TEX9: variants seen among roughly 807,000 people sequenced by gnomAD.
TEX9 encodes the protein testis-expressed protein 9.
TEX9 carries 74 observed loss-of-function variants against 59.6 expected under a neutral mutation model. That is an observed-to-expected ratio of 1.24 (90% confidence interval 1.03 to 1.51). TEX9 has a LOEUF of 1.51. Ranked by LOEUF, TEX9 falls within the 40% of genes most tolerant of loss-of-function variation. The pLI, the probability that TEX9 is intolerant of heterozygous loss-of-function variation, is 0.00. For missense variants in TEX9, 522 were observed against 447.8 expected (o/e 1.17, Z -1.49); for synonymous variants, 186 against 152.2 (o/e 1.22, Z -1.64).
the TEX9 span, among the ~76,000 whole-genome samples, chr15:56,458,610 A>T: frequency 6.6e-6 from 1 of 152,088 alleles, no homozygotes; most frequent in African/African-American, 2.4e-5. Context: ...CTGTCTATTC[A>T]ACCCTTCCTC....
exon 4 of TEX9, chr15:56,384,019 A>G (rs755296854): frequency 4.3e-6 from 7 of 1,612,646 alleles, no homozygotes; most frequent in African/African-American, 1.3e-5. Flanking sequence ...GACGAAGATG[A>G]TTACAGTTTA....
At chr15:56,323,750 GGAGGAGA>G (rs1567085873) in intron 1 of TEX9, 4 of 159,668 alleles carry the variant, frequency 2.5e-5, no homozygotes, top group Non-Finnish European at 5.4e-5. Flanking sequence ...AGGAGGAGAA[GGAGGAGA>G]AGGAGGAGAA....
At chr15:56,328,860 C>T (rs768661720) in intron 1 of TEX9, among the ~76,000 whole-genome samples, 3 of 152,170 alleles carry the variant, frequency 2.0e-5, no homozygotes, top group Non-Finnish European at 4.4e-5. Context: ...GGAGAACTAG[C>T]CACCCTGAAG....
At chr15:56,451,158 TA>T in the TEX9 span, among the ~76,000 whole-genome samples, 7 of 152,188 alleles carry the variant, frequency 4.6e-5, no homozygotes, top group African/African-American at 1.7e-4. Flanking sequence ...TCTTCTGGCC[TA>T]AATGAGTTCT....
chr15:56,326,738 T>G (rs1429649467), intron 1 of TEX9, among the ~76,000 whole-genome samples: 2 of 152,106 alleles, frequency 1.3e-5, no homozygotes, highest in Non-Finnish European at 2.9e-5. Flanking sequence ...AATAAATACC[T>G]CAGAATTACG....
chr15:56,312,110 T>C (rs62046695), intron 1 of TEX9, among the ~76,000 whole-genome samples: 49,073 of 145,386 alleles, frequency 0.34, 9,874 homozygotes, highest in Non-Finnish European at 0.44. Context: ...TTCACTCTGA[T>C]GGTAGTTTCT....
At chr15:56,357,059 TG>T (rs1236652884) in intron 1 of TEX9, among the ~76,000 whole-genome samples, 2 of 152,154 alleles carry the variant, frequency 1.3e-5, no homozygotes, top group Non-Finnish European at 2.9e-5. Context: ...CACTGTTTCC[TG>T]AGATAGAGTG....
intron 1 of TEX9, among the ~76,000 whole-genome samples, chr15:56,256,233 G>A (rs1001744358): frequency 3.3e-5 from 5 of 151,902 alleles, no homozygotes; most frequent in Non-Finnish European, 7.4e-5. Flanking sequence ...ATCATCTCAT[G>A]TCACAGATGA....
At chr15:56,375,788 A>C (rs1445703604) in intron 3 of TEX9, among the ~76,000 whole-genome samples, 1 of 151,480 alleles carries the variant, frequency 6.6e-6, no homozygotes, top group Non-Finnish European at 1.5e-5. Context: ...TTATTGCGGC[A>C]CTATTCACAA....
chr15:56,417,218 G>T (rs976490445), intron 10 of TEX9, among the ~76,000 whole-genome samples: 1 of 151,548 alleles, frequency 6.6e-6, no homozygotes, highest in African/African-American at 2.4e-5. Context: ...TCTGATTTTT[G>T]TTATTTCTCA....
rs1233923796 is a variant in TEX9, at chr15:56,386,056, T to C, written c.263+2025T>C. On this transcript the variant is annotated intron_variant, in intron 4 of 12. Transcript: ENST00000352903. ...AACCTGGAAATAATTAAAATATTTATCAATTGGTGGCTGGATAAACAAATT... is the reference window on the plus strand; with the variant it reads ...AACCTGGAAATAATTAAAATATTTACCAATTGGTGGCTGGATAAACAAATT... 1.6e-4 allele frequency among the ~76,000 whole-genome samples: 24 copies of C among 152,120 alleles called. 1 individual carries two copies. Among genetic ancestry groups the C allele is most frequent in the Admixed American group, 1.5e-3 (23 of 15,272 alleles).
intron 1 of TEX9, among the ~76,000 whole-genome samples, chr15:56,355,766 A>G (rs1312981277): frequency 6.6e-6 from 1 of 152,122 alleles, no homozygotes; most frequent in Non-Finnish European, 1.5e-5. Context: ...GATGTTTTGC[A>G]GCTTTCAGCA....
intron 2 of TEX9, 21 bp downstream of exon 2, chr15:56,365,691 A>G (rs1567100280): frequency 6.2e-7 from 1 of 1,613,582 alleles, no homozygotes; most frequent in Non-Finnish European, 8.5e-7. Context: ...CGGCGGTTGA[A>G]CTTTTCCTTC....
chr15:56,369,158 A>G (rs1042025537), intron 2 of TEX9, among the ~76,000 whole-genome samples: 1 of 152,054 alleles, frequency 6.6e-6, no homozygotes, highest in African/African-American at 2.4e-5. Context: ...TTGCAAGCAC[A>G]TAGGGTTGTT....
At chr15:56,366,211 T>C (rs994655864) in intron 2 of TEX9, among the ~76,000 whole-genome samples, 18 of 152,172 alleles carry the variant, frequency 1.2e-4, no homozygotes, top group Non-Finnish European at 2.2e-4. Context: ...CATCCCCAAG[T>C]TTTCACACAG....
At position 56,339,364 on chromosome 15, in the gene TEX9, C is replaced by T. The variant is rs560518644; in HGVS notation, c.-106-34077C>T. Among the ~76,000 whole-genome samples, 7 of 101,962 alleles carry T rather than the reference C, an allele frequency of 6.9e-5. 1 individual carries two copies. The highest frequency in any genetic ancestry group is 3.1e-4 in the African/African-American group (7 of 22,878). 66.9% of individuals were successfully genotyped at this position (101,962 alleles called of 152,430 possible). A position where few individuals can be genotyped will look rare whatever the true frequency, so the allele number is the denominator to read the frequency against. On this transcript the variant is annotated intron_variant, in intron 1 of 5. Coordinates refer to the TEX9 transcript ENST00000560827. The stretch of plus-strand genomic sequence containing the variant: ...CGCCACTGCACTGCAGCCTGGGTGT[C>T]AGAGCAAGACTCCTTCTCCAAAAAA...
At chr15:56,390,447 A>T (rs1387970485) in intron 6 of TEX9, among the ~76,000 whole-genome samples, 5 of 152,048 alleles carry the variant, frequency 3.3e-5, no homozygotes, top group African/African-American at 1.2e-4. Context: ...AAAACATCTC[A>T]TGTACCTCAT....
At chr15:56,307,771 C>T (rs989607806) in intron 1 of TEX9, among the ~76,000 whole-genome samples, 11 of 152,174 alleles carry the variant, frequency 7.2e-5, no homozygotes, top group African/African-American at 2.7e-4. Flanking sequence ...TCTCTGGAAA[C>T]CATTAATCTA....
chr15:56,326,266 C>T (rs1242312637), intron 1 of TEX9, among the ~76,000 whole-genome samples: 1 of 126,156 alleles, frequency 7.9e-6, no homozygotes, highest in Non-Finnish European at 1.9e-5. Context: ...TAAGTGTCAT[C>T]GTGAATGCAT....
Sources: gnomAD v4.1 joint callset for allele counts (sites outside exome capture counted in the v4.1 genomes callset) on GRCh38, gnomAD v4.1.1 for gene constraint, MANE v1.5 for transcripts, NCBI Gene and HGNC (gene_info 2026-07-23, HGNC 2026-07-21) for gene names.